The following TUBB8 variants were observed in gnomAD, a reference collection of about 807,000 sequenced individuals.
TUBB8 encodes the protein tubulin beta-8 chain.
In TUBB8, 25 loss-of-function variants were observed where a neutral mutation model predicts 33.7. The observed-to-expected ratio is 0.74, with a 90% CI of 0.54 to 1.04. The LOEUF is 1.04. Ranked by LOEUF, TUBB8 falls within the 50% of genes least tolerant of loss-of-function variation. TUBB8 has a pLI of 0.00. For missense variants in TUBB8, 279 were observed against 608.0 expected (o/e 0.46, Z 5.69); for synonymous variants, 245 against 240.1 (o/e 1.02, Z -0.19).
Position 48,902 on chromosome 10 carries a change from A to T in TUBB8, c.68T>A (p.Val23Glu), listed in dbSNP as rs1554738915. Residue 23 changes from valine (V) to glutamate (E), a missense_variant, in exon 2 of 4, where the codon GTG becomes GAG. This residue lies in a region of TUBB8 where 56 missense variants were observed against 77.9 expected (regional missense o/e 0.72). Coordinates refer to ENST00000568584, the MANE Select transcript of TUBB8 (RefSeq NM_177987.3). ...GTCGATGGCATGTTCATCAGAGATC[A>T]CCTCCCAGAACTGCAAGAGACGGGA... ...GNQIGAKFWE[V>E]ISDEHAIDSA... 1 of 1,538,856 alleles carries T rather than the reference A, an allele frequency of 6.5e-7. No homozygotes were observed. Among genetic ancestry groups the T allele is most frequent in the Admixed American group, 1.9e-5 (1 of 51,478 alleles).
At chr10:59,152 A>C (rs560300108) in intron 1 of TUBB8, among the ~76,000 whole-genome samples, 1 of 152,198 alleles carries the variant, frequency 6.6e-6, no homozygotes, top group African/African-American at 2.4e-5. Flanking sequence ...AATTTTATCA[A>C]ATACTTTTTT....
intron 1 of TUBB8, among the ~76,000 whole-genome samples, chr10:59,705 C>T: frequency 7.0e-6 from 1 of 143,330 alleles, no homozygotes; most frequent in Non-Finnish European, 1.5e-5. Context: ...TTTAATATCA[C>T]TGTAATACCA....
chr10:46,703 G>A (rs1347428255), downstream of TUBB8: 2 of 351,896 alleles, frequency 5.7e-6, no homozygotes, highest in African/African-American at 2.1e-5. Flanking sequence ...CAAGGCCCAG[G>A]GCATCCCCAA....
chr10:48,765 G>T (rs748150538), intron 2 of TUBB8, 39 bp downstream of exon 2: 99 of 1,607,454 alleles, frequency 6.2e-5, no homozygotes, highest in Non-Finnish European at 7.8e-5. Flanking sequence ...GGAGGGCCGC[G>T]TTCCCAGGAG....
intron 1 of TUBB8, among the ~76,000 whole-genome samples, chr10:68,572 C>T (rs1343705023): frequency 6.6e-6 from 1 of 152,218 alleles, no homozygotes; most frequent in Admixed American, 6.5e-5. Context: ...CTCTGCTTTA[C>T]TGACATGGTA....
At chr10:73,432 T>C (rs1554742627) in intron 1 of TUBB8, among the ~76,000 whole-genome samples, 1 of 152,100 alleles carries the variant, frequency 6.6e-6, no homozygotes, top group Non-Finnish European at 1.5e-5. Flanking sequence ...CCTGATGAGG[T>C]TGGGAGTTCA....
At chr10:48,970 C>A in intron 1 of TUBB8, 58 bp from the exon 2 acceptor site, 1 of 1,327,564 alleles carries the variant, frequency 7.5e-7, no homozygotes, top group South Asian at 1.3e-5. Context: ...GCGCCCCAGC[C>A]GCTCTCCCAC....
rs571563516 is a variant in TUBB8 at position 49,276 on chromosome 10, AAGG to A, written c.-41_-39del. 147 of 1,567,458 alleles carry A rather than the reference AAGG, an allele frequency of 9.4e-5. 2 individuals are homozygous for A. The South Asian group carries it at 1.6e-3, about 17-fold the overall frequency. The stretch of plus-strand genomic sequence containing the variant: ...ATTAGGACGGCAGGAGAAACGTGAG[AAGG>A]AGGAGCAGACGCGCAGCGACCCAGC... On this transcript the variant is annotated 5_prime_UTR_variant, in exon 1 of 4. Coordinates refer to ENST00000568584, the MANE Select transcript of TUBB8 (RefSeq NM_177987.3).
intron 3 of TUBB8, 84 bp downstream of exon 3, chr10:48,531 T>C: frequency 7.5e-7 from 1 of 1,333,520 alleles, no homozygotes; most frequent in Non-Finnish European, 1.1e-6. Flanking sequence ...GCTCCACAGT[T>C]CCCAGAGGAT....
At chr10:49,017 C>G in intron 1 of TUBB8, 105 bp from the exon 2 acceptor site, 5 of 1,236,430 alleles carry the variant, frequency 4.0e-6, no homozygotes, top group Non-Finnish European at 5.6e-6. Context: ...CTAGGCCGCC[C>G]TGTCCCTGGG....
chr10:59,452 G>A (rs1834571247), intron 1 of TUBB8, among the ~76,000 whole-genome samples: 1 of 152,218 alleles, frequency 6.6e-6, no homozygotes, highest in South Asian at 2.1e-4. Context: ...GCTTCCAAAA[G>A]TGCTGGGATT....
rs782368080 is a variant in TUBB8, at chr10:47,432, G to C, written c.960C>G (p.Arg320=). 6.2e-7 allele frequency: 1 copy of C among 1,612,080 alleles called. No homozygotes were observed. The change falls in exon 4 of 4, where the codon CGC becomes CGG. Residue 320 remains arginine, a synonymous_variant. Transcript: ENST00000568584. ...YLTAAAIFRG[R]MPMREVDEQM... is the part of the protein sequence containing the mutation. Reference sequence around the variant, plus strand: ...GTTCATCCACCTCCCTCATGGGCATGCGACCCCTGAAAATGGCAGCCGCCG... The same window carrying C: ...GTTCATCCACCTCCCTCATGGGCATCCGACCCCTGAAAATGGCAGCCGCCG...
At chr10:66,250 C>T (rs549909116) in intron 1 of TUBB8, among the ~76,000 whole-genome samples, 1 of 152,320 alleles carries the variant, frequency 6.6e-6, no homozygotes, top group East Asian at 1.9e-4. Context: ...TGACAAACCC[C>T]CAAAATATTA....
intron 1 of TUBB8, among the ~76,000 whole-genome samples, chr10:64,975 T>TAAACAAAAAAAAAAAAAAA (rs1834651248): frequency 8.4e-6 from 1 of 118,566 alleles, no homozygotes; most frequent in African/African-American, 3.0e-5. Flanking sequence ...CCATCTCCAC[T>TAAACAAAAAAAAAAAAAAA]AAAAAAAAAA....
rs1163349486 is a variant in TUBB8, at chr10:47,686, C to T, written c.706G>A (p.Val236Ile). Reference protein sequence around the residue: ...NHLVSATMSGVTTCLRFPGQL... With the variant: ...NHLVSATMSGITTCLRFPGQL... ...CCCGGGAAGCGCAGGCACGTGGTGA[C>T]CCCACTCATGGTAGCAGACACCAGG... Residue 236 changes from valine to isoleucine, a missense_variant, in exon 4 of 4, where the codon GTC (valine) becomes ATC (isoleucine). Coordinates refer to ENST00000568584, the MANE Select transcript of TUBB8 (RefSeq NM_177987.3). The T allele has an allele frequency of 6.2e-7, 1 of 1,611,504 alleles. No homozygotes were observed. Among genetic ancestry groups the T allele is most frequent in the Admixed American group, 1.7e-5 (1 of 60,008 alleles).
chr10:50,724 T>G (rs182792417), upstream of TUBB8, among the ~76,000 whole-genome samples: 3 of 152,230 alleles, frequency 2.0e-5, no homozygotes, highest in Admixed American at 6.5e-5. Context: ...TGTTAACTTT[T>G]AAATTCTTTC....
At chr10:58,428 T>C (rs1222476996) in intron 1 of TUBB8, among the ~76,000 whole-genome samples, 1 of 152,230 alleles carries the variant, frequency 6.6e-6, no homozygotes, top group East Asian at 1.9e-4. Flanking sequence ...TTAAGCTTTT[T>C]CCCCATCACT....
intron 1 of TUBB8, among the ~76,000 whole-genome samples, chr10:70,150 A>C (rs1261912562): frequency 1.8e-4 from 28 of 152,214 alleles, no homozygotes; most frequent in Admixed American, 1.8e-3. Context: ...GTTAGACAGG[A>C]ATTATTTTAA....
downstream of TUBB8, chr10:46,876 T>C (rs1834336102): frequency 2.0e-6 from 1 of 511,694 alleles, no homozygotes; most frequent in Admixed American, 3.5e-5. Flanking sequence ...AGAAAGAAGA[T>C]GGAGGCAAAA....
Sources: gnomAD v4.1 joint callset for allele counts (sites outside exome capture counted in the v4.1 genomes callset) on GRCh38, gnomAD v4.1.1 for gene constraint, gnomAD v4.1.1 regional missense constraint, MANE v1.5 for transcripts, NCBI Gene and HGNC (gene_info 2026-07-23, HGNC 2026-07-21) for gene names.